The following CTNNA2 variants were observed in gnomAD, a reference collection of about 807,000 sequenced individuals.
The protein encoded by CTNNA2 is catenin alpha-2.
CTNNA2 carries 42 observed loss-of-function variants against 101.0 expected under a neutral mutation model. The observed-to-expected ratio is 0.42, with a 90% CI of 0.32 to 0.54. The LOEUF (loss-of-function observed/expected upper bound fraction) is 0.54. CTNNA2 is among the 20% of genes least tolerant of loss of function. The pLI, the probability that CTNNA2 is intolerant of heterozygous loss-of-function variation, is 0.14. For synonymous variants in CTNNA2, 450 were observed against 456.4 expected (o/e 0.99, Z 0.18); for missense variants, 871 against 1,223.1 (o/e 0.71, Z 4.29).
At chr2:80,065,951 T>A (rs1697957026) in intron 7 of CTNNA2, among the ~76,000 whole-genome samples, 1 of 152,044 alleles carries the variant, frequency 6.6e-6, no homozygotes, top group African/African-American at 2.4e-5. Context: ...TTTTATTTCA[T>A]GAGAATAGGA....
At chr2:79,791,136 CTATT>C (rs1675236771) in intron 3 of CTNNA2, among the ~76,000 whole-genome samples, 1 of 152,060 alleles carries the variant, frequency 6.6e-6, no homozygotes, top group African/African-American at 2.4e-5. Context: ...ATTTCAAAAA[CTATT>C]TAAATAATAT....
chr2:80,272,089 A>G (rs1395448203), intron 7 of CTNNA2, among the ~76,000 whole-genome samples: 1 of 152,238 alleles, frequency 6.6e-6, no homozygotes, highest in African/African-American at 2.4e-5. Context: ...TGGCTGTATA[A>G]TTACTTATGA....
intron 9 of CTNNA2, among the ~76,000 whole-genome samples, chr2:80,529,372 G>A (rs1418173190): frequency 6.6e-6 from 1 of 152,150 alleles, no homozygotes; most frequent in African/African-American, 2.4e-5. Context: ...AATACCAATG[G>A]AAAAGTATAT....
rs183278145 is a variant in CTNNA2, at chr2:80,397,933, C to T, written c.1137+4642C>T. On this transcript the variant is annotated intron_variant, in intron 8 of 18. Transcript: ENST00000402739. The stretch of plus-strand genomic sequence containing the variant: ...ACACGTGGGGAAGAAGGAAGGTTCA[C>T]ATAAATACGTAGAAGTGCTTTGAGG... Among the ~76,000 whole-genome samples, 4 of 152,252 alleles carry T rather than the reference C, an allele frequency of 2.6e-5. No homozygotes were observed. The East Asian group carries it at 7.8e-4, about 30-fold the overall frequency.
chr2:79,665,743 T>C (rs1682370389), intron 2 of CTNNA2, among the ~76,000 whole-genome samples: 2 of 152,208 alleles, frequency 1.3e-5, no homozygotes, highest in African/African-American at 2.4e-5. Context: ...TCTTGAATAA[T>C]GTTGCCATAT....
chr2:79,428,594 T>G (rs879902004), intron 4 of CTNNA2, among the ~76,000 whole-genome samples: 21 of 151,548 alleles, frequency 1.4e-4, no homozygotes, highest in Admixed American at 5.3e-4. Context: ...CAGAAACATG[T>G]AAAAAACAAA....
intron 7 of CTNNA2, among the ~76,000 whole-genome samples, chr2:80,232,341 G>GTGTTTTTTTTTTTTTTTTTTT (rs1709276472): frequency 1.2e-5 from 1 of 82,062 alleles, no homozygotes; most frequent in South Asian, 3.6e-4. Context: ...TTGTTTGTTT[G>GTGTTTTTTTTTTTTTTTTTTT]TTTGTTTTTT....
At chr2:80,266,028 C>G (rs551234715) in intron 7 of CTNNA2, among the ~76,000 whole-genome samples, 1 of 152,084 alleles carries the variant, frequency 6.6e-6, no homozygotes, top group African/African-American at 2.4e-5. Flanking sequence ...GTGGTCTTAT[C>G]GAGGCACTAA....
At chr2:80,428,034 G>A (rs750611661) in intron 9 of CTNNA2, among the ~76,000 whole-genome samples, 2 of 152,224 alleles carry the variant, frequency 1.3e-5, no homozygotes, top group Non-Finnish European at 2.9e-5. Flanking sequence ...GTGAGGTCGG[G>A]AAAGTCTTCC....
intron 3 of CTNNA2, among the ~76,000 whole-genome samples, chr2:79,844,334 C>G (rs1008589544): frequency 2.6e-5 from 4 of 152,084 alleles, no homozygotes; most frequent in African/African-American, 9.7e-5. Context: ...AATAGGATCC[C>G]TGCTTTATAT....
intron 18 of CTNNA2, among the ~76,000 whole-genome samples, chr2:80,625,990 G>A (rs904358808): frequency 1.3e-5 from 2 of 151,940 alleles, no homozygotes; most frequent in African/African-American, 4.8e-5. Flanking sequence ...TTCCCAAAAA[G>A]CTGAATGAAT....
At chr2:80,489,778 A>G (rs550101854) in intron 9 of CTNNA2, among the ~76,000 whole-genome samples, 1 of 152,204 alleles carries the variant, frequency 6.6e-6, no homozygotes, top group Admixed American at 6.5e-5. Flanking sequence ...ATGGAAATGA[A>G]TTTTATTTTA....
chr2:80,626,874 C>T (rs1333547204), intron 18 of CTNNA2, among the ~76,000 whole-genome samples: 3 of 151,912 alleles, frequency 2.0e-5, no homozygotes, highest in Admixed American at 2.0e-4. Context: ...AGCCCCCTAC[C>T]CCCTGACAGG....
At chr2:79,689,841 G>A (rs999825370) in intron 2 of CTNNA2, among the ~76,000 whole-genome samples, 4 of 151,952 alleles carry the variant, frequency 2.6e-5, no homozygotes, top group South Asian at 4.1e-4. Flanking sequence ...TTGAATCATA[G>A]TTTTAACAGT....
chr2:79,294,886 T>C (rs1675938088), intron 2 of CTNNA2, among the ~76,000 whole-genome samples: 1 of 152,304 alleles, frequency 6.6e-6, no homozygotes, highest in East Asian at 1.9e-4. Flanking sequence ...TATTATCTAC[T>C]GATTTTGATC....
intron 7 of CTNNA2, among the ~76,000 whole-genome samples, chr2:80,236,203 G>A (rs568672250): frequency 6.6e-6 from 1 of 152,134 alleles, no homozygotes; most frequent in Admixed American, 6.5e-5. Context: ...TCTTTATCTG[G>A]TCTGTCACTG....
At chr2:79,933,942 A>G (rs535892363) in intron 7 of CTNNA2, among the ~76,000 whole-genome samples, 1 of 152,370 alleles carries the variant, frequency 6.6e-6, no homozygotes, top group East Asian at 1.9e-4. Flanking sequence ...AAAGATCAGT[A>G]ATAAATATAA....
At chr2:79,656,543 T>A (rs1361160094) in intron 2 of CTNNA2, among the ~76,000 whole-genome samples, 2 of 152,136 alleles carry the variant, frequency 1.3e-5, no homozygotes, top group Non-Finnish European at 2.9e-5. Flanking sequence ...GAATTTACTG[T>A]TGATTAATAT....
At chr2:79,504,554 T>C (rs1437374738) in intron 4 of CTNNA2, among the ~76,000 whole-genome samples, 2 of 152,172 alleles carry the variant, frequency 1.3e-5, no homozygotes, top group African/African-American at 4.8e-5. Context: ...CCTCCCAAAG[T>C]GCTGCGATTA....
Sources: gnomAD v4.1 joint callset for allele counts (sites outside exome capture counted in the v4.1 genomes callset) on GRCh38, gnomAD v4.1.1 for gene constraint, MANE v1.5 for transcripts, NCBI Gene and HGNC (gene_info 2026-07-23, HGNC 2026-07-21) for gene names.